Variants in USH2A observed in about 807,000 individuals in gnomAD.
USH2A encodes Usher syndrome 2A (autosomal recessive, mild).
A neutral mutation model predicts 538.9 loss-of-function variants in USH2A; 443 were observed. The ratio of observed to expected loss-of-function variants is 0.82; its 90% CI spans 0.76 to 0.89. The LOEUF (loss-of-function observed/expected upper bound fraction) is 0.89, where lower values mean the gene tolerates loss of function less well. USH2A is among the 40% of genes least tolerant of loss of function. USH2A has a pLI of 0.00. For synonymous variants in USH2A, 2,413 were observed against 2,273.5 expected (o/e 1.06, Z -1.75); for missense variants, 6,633 against 6,324.8 (o/e 1.05, Z -1.65).
At chr1:215,940,906 C>T (rs1666614822) in intron 37 of USH2A, among the ~76,000 whole-genome samples, 2 of 152,096 alleles carry the variant, frequency 1.3e-5, no homozygotes, top group South Asian at 2.1e-4. Flanking sequence ...ACACATTTGT[C>T]CTGGTTGTGC....
intron 13 of USH2A, among the ~76,000 whole-genome samples, chr1:216,244,454 T>G (rs2035995697): frequency 6.6e-6 from 1 of 152,182 alleles, no homozygotes; most frequent in Non-Finnish European, 1.5e-5. Context: ...AGGGGAATTA[T>G]TCTGCCAATA....
intron 44 of USH2A, among the ~76,000 whole-genome samples, chr1:215,865,239 T>G (rs17640872): frequency 0.015 from 2,247 of 152,314 alleles, 21 homozygotes; most frequent in Middle Eastern, 0.037. Flanking sequence ...TTCTGAGAGT[T>G]AACCTTTGTG....
chr1:216,084,487 T>C (rs1163787173), intron 25 of USH2A, among the ~76,000 whole-genome samples: 1 of 152,166 alleles, frequency 6.6e-6, no homozygotes, highest in African/African-American at 2.4e-5. Context: ...TTACCAGAGA[T>C]ATCATACATG....
intron 4 of USH2A, among the ~76,000 whole-genome samples, chr1:216,357,198 T>C (rs2038406355): frequency 6.6e-6 from 1 of 152,170 alleles, no homozygotes; most frequent in Non-Finnish European, 1.5e-5. Flanking sequence ...TCATTTTAAA[T>C]ATACAACATA....
intron 32 of USH2A, among the ~76,000 whole-genome samples, chr1:216,012,231 A>G (rs986014754): frequency 6.6e-6 from 1 of 151,674 alleles, no homozygotes; most frequent in Non-Finnish European, 1.5e-5. Flanking sequence ...CCCACCTCTT[A>G]GAACCTCTCA....
chr1:216,139,233 G>T (rs1386655763), intron 21 of USH2A, among the ~76,000 whole-genome samples: 3 of 151,868 alleles, frequency 2.0e-5, no homozygotes, highest in African/African-American at 7.3e-5. Context: ...GTCCATTTTT[G>T]TTTAGAATGG....
intron 16 of USH2A, among the ~76,000 whole-genome samples, chr1:216,205,542 T>C (rs1222030935): frequency 2.0e-5 from 3 of 152,158 alleles, no homozygotes; most frequent in African/African-American, 4.8e-5. Flanking sequence ...GTATAATGCA[T>C]ACAAAATAAA....
At chr1:215,953,369 T>A (rs539899416) in intron 37 of USH2A, among the ~76,000 whole-genome samples, 1 of 152,136 alleles carries the variant, frequency 6.6e-6, no homozygotes, top group African/African-American at 2.4e-5. Context: ...AAAACAGACA[T>A]AGACCAATAG....
intron 11 of USH2A, among the ~76,000 whole-genome samples, chr1:216,281,606 T>C (rs2036777942): frequency 6.6e-6 from 1 of 152,156 alleles, no homozygotes; most frequent in South Asian, 2.1e-4. Context: ...TTATACTACA[T>C]TTTATCTATT....
intron 69 of USH2A, among the ~76,000 whole-genome samples, chr1:215,637,608 T>C (rs1212639035): frequency 1.3e-5 from 2 of 152,158 alleles, no homozygotes; most frequent in Non-Finnish European, 2.9e-5. Flanking sequence ...TGCTATTAAA[T>C]GAAATAAGCC....
intron 3 of USH2A, among the ~76,000 whole-genome samples, chr1:216,417,944 A>G (rs1270510074): frequency 6.6e-6 from 1 of 152,110 alleles, no homozygotes; most frequent in African/African-American, 2.4e-5. Flanking sequence ...TGTAAATACC[A>G]GACATGTCAC....
intron 21 of USH2A, among the ~76,000 whole-genome samples, chr1:216,105,578 T>A (rs2032711265): frequency 6.6e-6 from 1 of 152,116 alleles, no homozygotes; most frequent in Admixed American, 6.5e-5. Context: ...TTTTTAATAC[T>A]TTATTCAATA....
intron 44 of USH2A, among the ~76,000 whole-genome samples, chr1:215,855,171 A>T (rs1283482143): frequency 6.6e-6 from 1 of 152,200 alleles, no homozygotes; most frequent in African/African-American, 2.4e-5. Context: ...CCAAATAGCT[A>T]AAGAGGAAGT....
intron 15 of USH2A, among the ~76,000 whole-genome samples, chr1:216,212,436 A>T (rs569827230): frequency 2.2e-4 from 34 of 152,068 alleles, no homozygotes; most frequent in Non-Finnish European, 3.5e-4. Context: ...TCACATATTC[A>T]CTCATCAAAA....
chr1:215,935,048 T>C (rs1032754590), intron 37 of USH2A, among the ~76,000 whole-genome samples: 4 of 152,034 alleles, frequency 2.6e-5, no homozygotes, highest in African/African-American at 9.7e-5. Context: ...TGAATATTCT[T>C]AGATAACTGT....
At chr1:215,709,310 C>T (rs1659269782) in intron 61 of USH2A, among the ~76,000 whole-genome samples, 1 of 152,030 alleles carries the variant, frequency 6.6e-6, no homozygotes, top group South Asian at 2.1e-4. Flanking sequence ...GTAAATGATA[C>T]TATTTAACTA....
chr1:215,813,189 T>A (rs1662746798), intron 49 of USH2A, among the ~76,000 whole-genome samples: 1 of 152,214 alleles, frequency 6.6e-6, no homozygotes, highest in African/African-American at 2.4e-5. Flanking sequence ...CTAGCTAAGT[T>A]GGCTAATACT....
chr1:216,074,642 A>C (rs2031687946), intron 27 of USH2A, among the ~76,000 whole-genome samples: 1 of 152,288 alleles, frequency 6.6e-6, no homozygotes, highest in South Asian at 2.1e-4. Flanking sequence ...CACAGTAGAC[A>C]CTCAATAAGT....
intron 69 of USH2A, among the ~76,000 whole-genome samples, chr1:215,636,640 G>A (rs1465250847): frequency 2.0e-5 from 3 of 152,162 alleles, no homozygotes; most frequent in Non-Finnish European, 4.4e-5. Context: ...TCCACAGCAC[G>A]CAGGGGAAGG....
Sources: gnomAD v4.1 joint callset for allele counts (sites outside exome capture counted in the v4.1 genomes callset) on GRCh38, gnomAD v4.1.1 for gene constraint, MANE v1.5 for transcripts, NCBI Gene and HGNC (gene_info 2026-07-23, HGNC 2026-07-21) for gene names.